Variants in RB1 observed in about 807,000 individuals in gnomAD.
RB1 encodes retinoblastoma-associated protein.
RB1 carries 18 observed loss-of-function variants against 135.4 expected under a neutral mutation model. That is an observed-to-expected ratio of 0.13 (90% CI 0.09 to 0.20). The LOEUF (loss-of-function observed/expected upper bound fraction) is 0.20, where lower values mean the gene tolerates loss of function less well. Among genes scored for constraint, RB1 ranks in the 10% least tolerant of loss-of-function variants. The pLI is 1.00. For missense variants in RB1, 868 were observed against 1,110.0 expected, an observed-to-expected ratio of 0.78 and a Z score of 3.10; for synonymous variants, 365 against 373.2, an observed-to-expected ratio of 0.98 and a Z score of 0.25.
intron 2 of RB1, among the ~76,000 whole-genome samples, chr13:48,316,664 A>G (rs978280410): frequency 2.0e-5 from 3 of 151,152 alleles, no homozygotes; most frequent in African/African-American, 2.4e-5. Flanking sequence ...GTGTACGTCT[A>G]TACAGGGCTA....
At chr13:48,368,427 G>T in intron 10 of RB1, 100 bp from the exon 11 acceptor site, 1 of 1,463,600 alleles carries the variant, frequency 6.8e-7, no homozygotes, top group South Asian at 1.2e-5. Flanking sequence ...CATTTTATAT[G>T]ATTTTATGAG....
intron 23 of RB1, among the ~76,000 whole-genome samples, chr13:48,466,538 A>G (rs1027897471): frequency 3.9e-5 from 6 of 152,116 alleles, no homozygotes; most frequent in Non-Finnish European, 8.8e-5. Context: ...CTCACCAGCA[A>G]CGGAACAAAG....
chr13:48,352,015 T>C (rs997604593), intron 6 of RB1, among the ~76,000 whole-genome samples: 51 of 152,226 alleles, frequency 3.4e-4, no homozygotes, highest in African/African-American at 1.1e-3. Context: ...TTGTATATGG[T>C]GTAAGGAATG....
intron 17 of RB1, among the ~76,000 whole-genome samples, chr13:48,426,169 G>A (rs1047608728): frequency 6.6e-6 from 1 of 152,154 alleles, no homozygotes. Flanking sequence ...TTGACCTTAT[G>A]AAGAGTTTTC....
chr13:48,373,252 T>C (rs1248824624), intron 11 of RB1, among the ~76,000 whole-genome samples, 153 bp from the exon 12 acceptor site: 1 of 152,164 alleles, frequency 6.6e-6, no homozygotes, highest in African/African-American at 2.4e-5. Flanking sequence ...ATGTAATTTC[T>C]TATAAACCAC....
intron 17 of RB1, chr13:48,408,834 T>C (rs537767425): frequency 1.3e-5 from 2 of 152,176 alleles, no homozygotes; most frequent in Non-Finnish European, 2.9e-5. Context: ...AATGACTGTT[T>C]TATTTGCATT....
intron 17 of RB1, among the ~76,000 whole-genome samples, chr13:48,384,263 T>C (rs1293503017): frequency 6.6e-6 from 1 of 152,136 alleles, no homozygotes; most frequent in Non-Finnish European, 1.5e-5. Flanking sequence ...TATTTAGTCA[T>C]ATATTTTTAG....
intron 2 of RB1, among the ~76,000 whole-genome samples, chr13:48,324,510 A>G (rs1952268060): frequency 6.6e-6 from 1 of 151,596 alleles, no homozygotes; most frequent in African/African-American, 2.4e-5. Context: ...TTCACTTAAC[A>G]TGATGTTCTC....
At chr13:48,328,442 G>T in intron 2 of RB1, 1 of 1,087,304 alleles carries the variant, frequency 9.2e-7, no homozygotes, top group Non-Finnish European at 1.4e-6. Context: ...GAGGTCTGCA[G>T]CTTCTTCTTC....
chr13:48,318,140 G>A, intron 2 of RB1: 3 of 509,846 alleles, frequency 5.9e-6, no homozygotes, highest in South Asian at 2.2e-5. Context: ...GGCTCCTGAC[G>A]CCCTCCTGCT....
chr13:48,351,074 T>C (rs1268921124), intron 6 of RB1, among the ~76,000 whole-genome samples: 1 of 152,240 alleles, frequency 6.6e-6, no homozygotes, highest in East Asian at 1.9e-4. Context: ...TAGAATGATT[T>C]CTATTCCTTT....
chr13:48,430,506 G>A (rs1949118159), intron 17 of RB1, among the ~76,000 whole-genome samples: 2 of 152,092 alleles, frequency 1.3e-5, no homozygotes, highest in South Asian at 2.1e-4. Flanking sequence ...TTTGGGAGGC[G>A]AGACAGGTGG....
intron 2 of RB1, among the ~76,000 whole-genome samples, chr13:48,309,099 A>G (rs568160328): frequency 5.3e-5 from 8 of 152,312 alleles, no homozygotes; most frequent in Middle Eastern, 3.4e-3. Flanking sequence ...AATGCCTGGC[A>G]CAAAGTGAGT....
At chr13:48,434,576 G>A (rs771797710) in intron 17 of RB1, among the ~76,000 whole-genome samples, 23 of 152,062 alleles carry the variant, frequency 1.5e-4, no homozygotes, top group Admixed American at 3.3e-4. Context: ...CCCTACAGCC[G>A]AGACTCTTTC....
intron 7 of RB1, among the ~76,000 whole-genome samples, chr13:48,361,798 G>A (rs188633594): frequency 1.3e-3 from 191 of 151,894 alleles, no homozygotes; most frequent in Middle Eastern, 3.4e-3. Context: ...TAAATAATCA[G>A]ATTGTCTTGA....
At chr13:48,308,171 T>C (rs910586404) in intron 2 of RB1, among the ~76,000 whole-genome samples, 6 of 151,522 alleles carry the variant, frequency 4.0e-5, no homozygotes, top group Non-Finnish European at 8.9e-5. Context: ...GAGTTTTATA[T>C]GTACTGGGGC....
chr13:48,423,636 C>T (rs536178309), intron 17 of RB1, among the ~76,000 whole-genome samples: 2 of 151,732 alleles, frequency 1.3e-5, no homozygotes, highest in African/African-American at 2.4e-5. Context: ...TTTCGAAGGC[C>T]ATAATTGAAA....
At chr13:48,338,730 G>C (rs145781908) in intron 2 of RB1, among the ~76,000 whole-genome samples, 1 of 152,212 alleles carries the variant, frequency 6.6e-6, no homozygotes, top group Non-Finnish European at 1.5e-5. Flanking sequence ...GAGGAGCTGC[G>C]TTCCTTTGGA....
Position 48,367,542 on chromosome 13 carries a change from G to A in RB1, c.988G>A (p.Asp330Asn), listed in dbSNP as rs763377384. ...CGAAGAAATTTATCTTAAAAATAAA[G>A]ATCTAGATGCAAGATTATTTTTGGA... ...RYEEIYLKNKDLDARLFLDHD... is the reference protein window; with the variant it reads ...RYEEIYLKNKNLDARLFLDHD... Residue 330 changes from aspartate to asparagine, a missense_variant, in exon 10 of 27, where the codon GAT (aspartate) becomes AAT (asparagine). Transcript: ENST00000267163. 6.2e-7 allele frequency: 1 copy of A among 1,604,462 alleles called. No homozygotes were observed. Among genetic ancestry groups the A allele is most frequent in the Non-Finnish European group, 8.5e-7 (1 of 1,174,186 alleles).
Sources: gnomAD v4.1 joint callset for allele counts (sites outside exome capture counted in the v4.1 genomes callset) on GRCh38, gnomAD v4.1.1 for gene constraint, MANE v1.5 for transcripts, NCBI Gene and HGNC (gene_info 2026-07-23, HGNC 2026-07-21) for gene names.